Variants in ULK4 observed in about 807,000 individuals in gnomAD.
ULK4 encodes inactive serine/threonine-protein kinase ULK4.
ULK4 carries 133 observed loss-of-function variants against 160.6 expected under a neutral mutation model. The ratio of observed to expected loss-of-function variants is 0.83; its 90% CI spans 0.72 to 0.96. The LOEUF (loss-of-function observed/expected upper bound fraction) is 0.96. ULK4 is among the 40% of genes least tolerant of loss of function. The pLI, the probability that ULK4 is intolerant of heterozygous loss-of-function variation, is 0.00. For synonymous variants in ULK4, 534 were observed against 539.8 expected (o/e 0.99, Z 0.15); for missense variants, 1,580 against 1,499.5 (o/e 1.05, Z -0.89).
chr3:41,836,956 T>C (rs1037156091), intron 17 of ULK4, among the ~76,000 whole-genome samples: 2 of 152,172 alleles, frequency 1.3e-5, no homozygotes, highest in Non-Finnish European at 2.9e-5. Flanking sequence ...GAAAAAAATG[T>C]ATATAAAATA....
At chr3:41,824,735 G>C (rs896836103) in intron 18 of ULK4, among the ~76,000 whole-genome samples, 1 of 152,168 alleles carries the variant, frequency 6.6e-6, no homozygotes, top group African/African-American at 2.4e-5. Context: ...CTCCACCTCT[G>C]GGGGCAGGGC....
At chr3:41,456,346 C>G (rs1027259614) in intron 33 of ULK4, among the ~76,000 whole-genome samples, 1 of 152,212 alleles carries the variant, frequency 6.6e-6, no homozygotes, top group Non-Finnish European at 1.5e-5. Context: ...GACTCCAAGT[C>G]ACAAATGCTA....
intron 32 of ULK4, among the ~76,000 whole-genome samples, chr3:41,488,547 TAC>T (rs1467820479): frequency 6.6e-6 from 1 of 152,218 alleles, no homozygotes; most frequent in African/African-American, 2.4e-5. Flanking sequence ...CTGGAAAAGA[TAC>T]AGATATTTAA....
chr3:41,402,373 G>C (rs917672107), intron 34 of ULK4, among the ~76,000 whole-genome samples: 4 of 152,082 alleles, frequency 2.6e-5, no homozygotes, highest in African/African-American at 7.2e-5. Context: ...CACTACACTA[G>C]TTAGAACCTC....
chr3:41,362,688 CA>C (rs2081170528), intron 35 of ULK4, among the ~76,000 whole-genome samples: 1 of 152,182 alleles, frequency 6.6e-6, no homozygotes, highest in Non-Finnish European at 1.5e-5. Flanking sequence ...GTGACCAGCC[CA>C]GAGACAGCAA....
chr3:41,355,403 T>G (rs1225944715), intron 35 of ULK4, among the ~76,000 whole-genome samples: 1 of 152,188 alleles, frequency 6.6e-6, no homozygotes, highest in Admixed American at 6.5e-5. Context: ...TATAGATCAA[T>G]TATTGTACCC....
intron 31 of ULK4, among the ~76,000 whole-genome samples, chr3:41,598,881 C>T (rs1323723250): frequency 6.6e-6 from 1 of 152,218 alleles, no homozygotes; most frequent in Non-Finnish European, 1.5e-5. Flanking sequence ...CAGTTCTAGA[C>T]GTCAGAGGTC....
intron 3 of ULK4, chr3:41,937,200 G>A (rs940185685): frequency 2.5e-5 from 12 of 487,044 alleles, no homozygotes; most frequent in Non-Finnish European, 4.1e-5. Flanking sequence ...AGTTACAAAC[G>A]TAGGCATGTT....
At chr3:41,695,260 A>G (rs2036452301) in intron 27 of ULK4, among the ~76,000 whole-genome samples, 1 of 152,248 alleles carries the variant, frequency 6.6e-6, no homozygotes, top group African/African-American at 2.4e-5. Flanking sequence ...GTTTGAGGAT[A>G]CATTCGGACC....
At chr3:41,612,653 T>C (rs758230251) in intron 31 of ULK4, among the ~76,000 whole-genome samples, 1 of 152,248 alleles carries the variant, frequency 6.6e-6, no homozygotes, top group Non-Finnish European at 1.5e-5. Context: ...TGGTTTGCCA[T>C]ACAACTCCAG....
chr3:41,429,552 C>T (rs62259304), intron 34 of ULK4, among the ~76,000 whole-genome samples: 41,719 of 151,906 alleles, frequency 0.27, 6,194 homozygotes, highest in African/African-American at 0.38. Flanking sequence ...ATACATACTA[C>T]GCAGCCATAA....
chr3:41,285,730 C>A (rs993138950), intron 35 of ULK4, among the ~76,000 whole-genome samples: 1 of 152,092 alleles, frequency 6.6e-6, no homozygotes, highest in African/African-American at 2.4e-5. Flanking sequence ...ACCCCAATAA[C>A]CTATGGAAAA....
Position 41,819,492 on chromosome 3 carries a change from C to CTT in ULK4, c.1777_1778dup (p.Asn594ArgfsTer17). On this transcript the variant is annotated frameshift_variant, in exon 19 of 37. Coordinates refer to ENST00000301831, the MANE Select transcript of ULK4 (RefSeq NM_017886.4). LOFTEE classifies it high-confidence loss of function. ...GAACAGCCCAGCACTCTCTAGGGTT[C>CTT]TTTTTTTTTTCTTCCTAAAATGAAG... 4 of 1,460,670 alleles carry CTT rather than the reference C, an allele frequency of 2.7e-6. No individual in the cohort carries two copies. The highest frequency in any genetic ancestry group is 3.7e-6 in the Non-Finnish European group (4 of 1,079,666). 90.5% of individuals were successfully genotyped at this position (1,460,670 alleles called of 1,614,324 possible).
intron 25 of ULK4, among the ~76,000 whole-genome samples, chr3:41,707,747 G>A (rs1029805892): frequency 2.5e-4 from 38 of 151,948 alleles, no homozygotes; most frequent in Admixed American, 1.8e-3. Context: ...AGGATCACTC[G>A]GGCCCAGGAG....
intron 30 of ULK4, among the ~76,000 whole-genome samples, chr3:41,642,222 G>C (rs1177982391): frequency 6.6e-6 from 1 of 151,954 alleles, no homozygotes; most frequent in Non-Finnish European, 1.5e-5. Flanking sequence ...AAGTTTTAGG[G>C]TACATGTGCA....
chr3:41,736,851 T>C (rs1204599847), intron 22 of ULK4, among the ~76,000 whole-genome samples: 1 of 151,728 alleles, frequency 6.6e-6, no homozygotes, highest in Non-Finnish European at 1.5e-5. Context: ...CTTTAATCCA[T>C]CTTGAATTAA....
chr3:41,510,335 A>G lies in ULK4; in HGVS notation c.3227-47082T>C, dbSNP rs530262225. 2.0e-5 allele frequency among the ~76,000 whole-genome samples: 3 copies of G among 152,342 alleles called. No individual in the cohort carries two copies. In the South Asian group the frequency reaches 6.2e-4, roughly 32 times the overall value. ...CTGAAACTCCCAAATTTATAAAACA[A>G]TTACTGCTAGTCCTAAGAAATAAGA... is the stretch of plus-strand genomic sequence containing the variant. On this transcript the variant is annotated intron_variant, in intron 32 of 36. Transcript: ENST00000301831.
At chr3:41,604,518 C>T (rs1025931240) in intron 31 of ULK4, among the ~76,000 whole-genome samples, 1 of 152,068 alleles carries the variant, frequency 6.6e-6, no homozygotes, top group African/African-American at 2.4e-5. Flanking sequence ...CCAAAAGATA[C>T]ATAACATTCA....
intron 35 of ULK4, among the ~76,000 whole-genome samples, chr3:41,377,329 T>C (rs2081526986): frequency 6.6e-6 from 1 of 151,928 alleles, no homozygotes; most frequent in East Asian, 1.9e-4. Context: ...ACTTCATGTC[T>C]AAAACACCAA....
Sources: allele counts gnomAD v4.1 joint callset (sites outside exome capture counted in the v4.1 genomes callset), GRCh38; gene constraint gnomAD v4.1.1; transcripts MANE v1.5; gene names NCBI Gene and HGNC (gene_info 2026-07-23, HGNC 2026-07-21).